Variants in SMARCA4 observed in about 807,000 individuals in gnomAD.
SMARCA4 encodes the protein SWI/SNF-related matrix-associated actin-dependent regulator of chromatin subfamily A member 4.
A neutral mutation model predicts 193.9 loss-of-function variants in SMARCA4; 31 were observed. The observed-to-expected ratio is 0.16, with a 90% CI of 0.12 to 0.22. The LOEUF (loss-of-function observed/expected upper bound fraction) is 0.22. Ranked by LOEUF, SMARCA4 falls within the 10% of genes least tolerant of loss-of-function variation. The pLI, the probability that SMARCA4 is intolerant of heterozygous loss-of-function variation, is 1.00. For synonymous variants in SMARCA4, 942 were observed against 933.1 expected, an observed-to-expected ratio of 1.01 and a Z score of -0.17; for missense variants, 1,148 against 2,296.0, an observed-to-expected ratio of 0.50 and a Z score of 10.22.
chr19:11,038,928 TA>T (rs1207801711), intron 29 of SMARCA4, among the ~76,000 whole-genome samples: 1 of 151,952 alleles, frequency 6.6e-6, no homozygotes, highest in African/African-American at 2.4e-5. Context: ...GCAACAACAA[TA>T]AAAAAAGGTG....
In SMARCA4 at chr19:10,987,038, C is replaced by G. The variant is rs2086115687; in HGVS notation, c.859+35C>G. 1 of 1,457,270 alleles carries G rather than the reference C, an allele frequency of 6.9e-7. No homozygotes were observed. The highest frequency in any genetic ancestry group is 9.5e-7 in the Non-Finnish European group (1 of 1,050,578). The allele number at this position is 1,457,270 out of a possible 1,614,324, so 90.3% of individuals were successfully genotyped here. ...CTCTTCTATGGTGGTGCACCCGTGC[C>G]CTTACTCCCCATCTCAAGCTTGGGT... On this transcript the variant is annotated intron_variant, in intron 5 of 34. Transcript: ENST00000344626. This position sits in a 1 kb window ranked among gnomAD's most constrained non-coding sequence, Gnocchi z 5.3.
rs766872743 is a variant in SMARCA4 at position 10,989,365 on chromosome 19, C to T, written c.1167C>T (p.Pro389=). 2.0e-5 allele frequency: 32 copies of T among 1,613,992 alleles called. 1 individual carries two copies. Among genetic ancestry groups the T allele is most frequent in the Middle Eastern group, 1.6e-4 (1 of 6,084 alleles). Reference sequence around the variant, plus strand: ...GAATTCAGGAACTTGAAAACCTTCCCGGGTCCCTGGCCGGGGATTTGCGAA... The same window carrying T: ...GAATTCAGGAACTTGAAAACCTTCCTGGGTCCCTGGCCGGGGATTTGCGAA... ...AHRIQELENL[P]GSLAGDLRTK... The change falls in exon 7 of 35, where the codon CCC becomes CCT. Residue 389 remains proline, a synonymous_variant. Coordinates refer to ENST00000344626, the MANE Select transcript of SMARCA4 (RefSeq NM_003072.5).
At chr19:10,964,319 T>G (rs2084041831) in intron 1 of SMARCA4, among the ~76,000 whole-genome samples, 1 of 150,928 alleles carries the variant, frequency 6.6e-6, no homozygotes, top group South Asian at 2.1e-4. Flanking sequence ...CTTTCTTTCT[T>G]TTTTTTTTGA....
chr19:10,985,446 T>C lies in SMARCA4; in HGVS notation c.355+41T>C. 1 of 1,609,060 alleles carries C rather than the reference T, an allele frequency of 6.2e-7. No individual in the cohort carries two copies. The highest frequency in any genetic ancestry group is 8.5e-7 in the Non-Finnish European group (1 of 1,177,930). ...CCTTCCTGCCTTGTGTTTGTCATACTCCAGAGTCCTCAGATCATTTTCCTC... is the reference window on the plus strand; with the variant it reads ...CCTTCCTGCCTTGTGTTTGTCATACCCCAGAGTCCTCAGATCATTTTCCTC... On this transcript the variant is annotated intron_variant, in intron 3 of 34. Transcript: ENST00000344626. This position sits in a 1 kb window ranked among gnomAD's most constrained non-coding sequence, Gnocchi z 4.5.
At position 11,047,295 on chromosome 19, in the gene SMARCA4, G is replaced by A. The variant is rs574193329; in HGVS notation, c.4424+5735G>A. 9.2e-5 allele frequency among the ~76,000 whole-genome samples: 14 copies of A among 152,294 alleles called. 1 individual carries two copies. In the South Asian group the frequency reaches 2.3e-3, roughly 25 times the overall value. ...CGGATCACTTGAGGTGATCTGGACG[G>A]TTCCAGACACAGGGCTTTCCTTTGT... On this transcript the variant is annotated intron_variant, in intron 30 of 34. Coordinates refer to ENST00000344626, the MANE Select transcript of SMARCA4 (RefSeq NM_003072.5).
In SMARCA4 at chr19:11,003,127, G is replaced by A. The variant is rs1555768411; in HGVS notation, c.1911G>A (p.Gly637=). ...ILTGTDAPKA[G]QLEAWLEMNP... is the part of the protein sequence containing the mutation. ...CAGGCACAGATGCCCCCAAAGCCGG[G>A]CAGCTGGAGGCCTGGCTCGAGATGA... Residue 637 remains glycine, a synonymous_variant, in exon 12 of 35, where the codon GGG becomes GGA. Transcript: ENST00000344626. 4 of 1,614,156 alleles carry A rather than the reference G, an allele frequency of 2.5e-6. No individual in the cohort carries two copies. Among genetic ancestry groups the A allele is most frequent in the Non-Finnish European group, 3.4e-6 (4 of 1,180,036 alleles).
chr19:10,975,462 C>G (rs1379661472), intron 1 of SMARCA4, among the ~76,000 whole-genome samples: 1 of 151,986 alleles, frequency 6.6e-6, no homozygotes, highest in Non-Finnish European at 1.5e-5. Context: ...CAGGCCAGCT[C>G]CACCACGCCC....
At chr19:10,989,501 C>G in intron 7 of SMARCA4, 58 bp downstream of exon 7, 1 of 1,599,618 alleles carries the variant, frequency 6.3e-7, no homozygotes, top group Non-Finnish European at 8.6e-7. Flanking sequence ...AACACTGCTG[C>G]TAAGGCTCCA....
At chr19:10,993,438 C>T (rs779754951) in intron 8 of SMARCA4, among the ~76,000 whole-genome samples, 11 of 152,180 alleles carry the variant, frequency 7.2e-5, no homozygotes, top group Non-Finnish European at 1.0e-4. Flanking sequence ...AAAAATTATG[C>T]TAGGACCGGA....
rs1234165950 is a variant in SMARCA4 at position 11,058,747 on chromosome 19, C to T, written c.4534-41C>T. ...CAGCCAGGCCTGCGGGCAGGCGAGG[C>T]GGGGTCCTGAGGTAAGACCTGCTCC... On this transcript the variant is annotated intron_variant, in intron 31 of 34. Coordinates refer to ENST00000344626, the MANE Select transcript of SMARCA4 (RefSeq NM_003072.5). This position sits in a 1 kb window ranked among gnomAD's most constrained non-coding sequence, Gnocchi z 5.8. 45 of 1,544,664 alleles carry T rather than the reference C, an allele frequency of 2.9e-5. No homozygotes were observed. The highest frequency in any genetic ancestry group is 3.7e-5 in the Non-Finnish European group (41 of 1,117,226).
chr19:11,058,106 C>CA lies in SMARCA4; in HGVS notation c.4425-136dup, dbSNP rs34910111. The CA allele has an allele frequency of 0.28, 146,359 of 516,036 alleles. 4,315 individuals are homozygous for CA. The highest frequency in any genetic ancestry group is 0.31 in the South Asian group (14,538 of 47,074). 32.0% of individuals were successfully genotyped at this position (516,036 alleles called of 1,614,324 possible). ...GGGCAGCAAGAGCGAAACTCCGTCT[C>CA]AAAAAAAAAAAAAGCGCATGTGCAA... On this transcript the variant is annotated intron_variant, in intron 30 of 34. Transcript: ENST00000344626. The surrounding 1 kb of genome is among the most constrained non-coding windows in gnomAD (Gnocchi z 5.8).
rs962121453 is a variant in SMARCA4, at chr19:10,978,305, C to A, written c.-31-5816C>A. ...TCAAAGACCAAACTTGATGAACTGG[C>A]CTTCATTAGAATTAAGAGCTTCTCT... On this transcript the variant is annotated intron_variant, in intron 1 of 34. Coordinates refer to ENST00000344626, the MANE Select transcript of SMARCA4 (RefSeq NM_003072.5). Among the ~76,000 whole-genome samples, 7 of 152,210 alleles carry A rather than the reference C, an allele frequency of 4.6e-5. No homozygotes were observed. In the East Asian group the frequency reaches 1.4e-3, roughly 29 times the overall value.
In SMARCA4 at chr19:10,966,778, C is replaced by T. The variant is rs565922505; in HGVS notation, c.-32+5604C>T. ...TGGTGTGCGCCTGTAGTCCTAGCTA[C>T]TTGTGAGACTGAGGCAGGAGAATTG... is the stretch of plus-strand genomic sequence containing the variant. On this transcript the variant is annotated intron_variant, in intron 1 of 34. Coordinates refer to ENST00000344626, the MANE Select transcript of SMARCA4 (RefSeq NM_003072.5). 1.6e-4 allele frequency among the ~76,000 whole-genome samples: 24 copies of T among 152,138 alleles called. No homozygotes were observed. In the East Asian group the frequency reaches 4.1e-3, roughly 26 times the overall value.
At chr19:11,005,952 G>T (rs1471471737) in intron 13 of SMARCA4, among the ~76,000 whole-genome samples, 1 of 152,196 alleles carries the variant, frequency 6.6e-6, no homozygotes, top group African/African-American at 2.4e-5. Context: ...GGTTTAGCCA[G>T]AAGTCTCACT....
At chr19:11,004,809 A>C (rs2088026867) in intron 13 of SMARCA4, among the ~76,000 whole-genome samples, 1 of 147,566 alleles carries the variant, frequency 6.8e-6, no homozygotes, top group South Asian at 2.2e-4. Context: ...TTTGTGTTCA[A>C]TGTTTTTTTT....
At chr19:11,014,062 G>A (rs1001235358) in intron 16 of SMARCA4, among the ~76,000 whole-genome samples, 5 of 152,126 alleles carry the variant, frequency 3.3e-5, no homozygotes, top group Admixed American at 3.3e-4. Flanking sequence ...GACAGTCACC[G>A]GCCTGGGGGT....
chr19:10,993,486 T>C (rs773916798), intron 8 of SMARCA4, among the ~76,000 whole-genome samples: 7 of 152,204 alleles, frequency 4.6e-5, no homozygotes, highest in African/African-American at 7.2e-5. Context: ...GTCTCTGATA[T>C]TTCCTTAAAA....
At chr19:10,976,823 G>A (rs1180550038) in intron 1 of SMARCA4, among the ~76,000 whole-genome samples, 1 of 151,242 alleles carries the variant, frequency 6.6e-6, no homozygotes, top group Non-Finnish European at 1.5e-5. Context: ...GGGAGGCCGA[G>A]GCAGGCGGAT....
At chr19:10,968,615 T>C (rs2084425848) in intron 1 of SMARCA4, among the ~76,000 whole-genome samples, 1 of 152,168 alleles carries the variant, frequency 6.6e-6, no homozygotes, top group Non-Finnish European at 1.5e-5. Context: ...CCTGACTAGC[T>C]GTGATTACAG....
Sources: allele counts gnomAD v4.1 joint callset (sites outside exome capture counted in the v4.1 genomes callset), GRCh38; gene constraint gnomAD v4.1.1; non-coding constraint Gnocchi (gnomAD v3.1); transcripts MANE v1.5; gene names NCBI Gene and HGNC (gene_info 2026-07-23, HGNC 2026-07-21).